MCC: variants seen among roughly 807,000 people sequenced by gnomAD.
The protein encoded by MCC is MCC regulator of Wnt signaling pathway, also known as colorectal mutant cancer protein.
MCC carries 90 observed loss-of-function variants against 116.2 expected under a neutral mutation model. The ratio of observed to expected loss-of-function variants is 0.77; its 90% CI spans 0.65 to 0.92. The LOEUF (loss-of-function observed/expected upper bound fraction) is 0.92, where lower values mean the gene tolerates loss of function less well. MCC is among the 40% of genes least tolerant of loss of function. The pLI is 0.00. For synonymous variants in MCC, 578 were observed against 510.5 expected (o/e 1.13, Z -1.78); for missense variants, 1,516 against 1,312.2 (o/e 1.16, Z -2.40).
At position 113,331,910 on chromosome 5, in the gene MCC, T is replaced by A. The variant is rs147217076; in HGVS notation, c.627+8609A>T. Among the ~76,000 whole-genome samples the A allele has an allele frequency of 1.1e-3, 162 of 151,764 alleles. 6 individuals are homozygous for A. Among genetic ancestry groups the A allele is most frequent in the African/African-American group, 3.7e-3 (152 of 41,088 alleles). Reference sequence around the variant, plus strand: ...ACCTCGGCCTCCCAAAGTGTGGGATTACAGGTGTGAGCCACTGCCTCTGAC... The same window carrying A: ...ACCTCGGCCTCCCAAAGTGTGGGATAACAGGTGTGAGCCACTGCCTCTGAC... On this transcript the variant is annotated intron_variant, in intron 3 of 18. Transcript: ENST00000408903.
intron 3 of MCC, among the ~76,000 whole-genome samples, chr5:113,310,187 T>G (rs1767103362): frequency 6.6e-6 from 1 of 152,262 alleles, no homozygotes; most frequent in Non-Finnish European, 1.5e-5. Flanking sequence ...TTAAGAGGTG[T>G]GGCCTTTGGG....
chr5:113,101,104 C>A (rs968658550), intron 8 of MCC, among the ~76,000 whole-genome samples: 1 of 152,124 alleles, frequency 6.6e-6, no homozygotes, highest in Non-Finnish European at 1.5e-5. Flanking sequence ...ATGTCCTAAA[C>A]AAAATGATAC....
At chr5:113,262,312 T>C (rs1765247559) in intron 3 of MCC, among the ~76,000 whole-genome samples, 1 of 152,074 alleles carries the variant, frequency 6.6e-6, no homozygotes, top group South Asian at 2.1e-4. Flanking sequence ...TGCTATCAGG[T>C]TGAAAGAAAA....
intron 2 of MCC, among the ~76,000 whole-genome samples, chr5:113,364,238 G>GAAAAAAAAGAAAAAAAAAAAACA (rs1768626073): frequency 2.0e-5 from 1 of 49,422 alleles, no homozygotes; most frequent in Non-Finnish European, 3.6e-5. Context: ...CTCAAAAACA[G>GAAAAAAAAGAAAAAAAAAAAACA]AAAAAAAAAA....
At chr5:113,157,418 G>C (rs1431898894) in intron 3 of MCC, among the ~76,000 whole-genome samples, 1 of 152,222 alleles carries the variant, frequency 6.6e-6, no homozygotes. Flanking sequence ...TCTGTGCTTT[G>C]AACAGCACAG....
chr5:113,132,449 C>CATATATAT (rs1237730823), intron 5 of MCC, among the ~76,000 whole-genome samples: 17 of 111,076 alleles, frequency 1.5e-4, no homozygotes, highest in East Asian at 1.4e-3. Context: ...TATATACACA[C>CATATATAT]ACACACACAC....
At chr5:113,395,291 A>C (rs1467440912) in intron 1 of MCC, among the ~76,000 whole-genome samples, 1 of 152,206 alleles carries the variant, frequency 6.6e-6, no homozygotes, top group African/African-American at 2.4e-5. Flanking sequence ...ACAAGTTGAT[A>C]TCATTAGGTT....
chr5:113,077,247 T>C (rs543927094), intron 11 of MCC, among the ~76,000 whole-genome samples: 93 of 152,158 alleles, frequency 6.1e-4, no homozygotes, highest in African/African-American at 2.0e-3. Flanking sequence ...GACAGATCAA[T>C]GAGACAGAAA....
chr5:113,339,711 C>A (rs1767964026), intron 3 of MCC, among the ~76,000 whole-genome samples: 1 of 152,130 alleles, frequency 6.6e-6, no homozygotes, highest in Admixed American at 6.6e-5. Context: ...AACATCCCAC[C>A]AAAAGTGTCA....
chr5:113,060,744 G>A (rs914877402), intron 14 of MCC, among the ~76,000 whole-genome samples: 5 of 152,244 alleles, frequency 3.3e-5, no homozygotes, highest in African/African-American at 7.2e-5. Flanking sequence ...GGTAAGTGAT[G>A]AGGACATTTG....
In MCC at chr5:113,024,561, G is replaced by C. The variant is rs1380935471; in HGVS notation, c.*2741C>G. On this transcript the variant is annotated 3_prime_UTR_variant, in exon 19 of 19. Coordinates refer to ENST00000408903, the MANE Select transcript of MCC (RefSeq NM_001085377.2). ...CAGAGATGGTTACTGACTAAAAGGG[G>C]GTAACCACTGAGGAAACTAGGGAGA... The C allele has an allele frequency of 2.0e-5, 3 of 152,128 alleles. No individual in the cohort carries two copies. Among genetic ancestry groups the C allele is most frequent in the Non-Finnish European group, 4.4e-5 (3 of 68,020 alleles). 9.4% of individuals were successfully genotyped at this position (152,128 alleles called of 1,614,324 possible). A position where few individuals can be genotyped will look rare whatever the true frequency, so the allele number is the denominator to read the frequency against.
chr5:113,029,228 A>G (rs1468315156), intron 17 of MCC, among the ~76,000 whole-genome samples, 172 bp from the exon 18 acceptor site: 1 of 152,026 alleles, frequency 6.6e-6, no homozygotes, highest in African/African-American at 2.4e-5. Flanking sequence ...GAATGAATTC[A>G]TTCTCAAATG....
intron 3 of MCC, among the ~76,000 whole-genome samples, chr5:113,242,031 C>T (rs1254248161): frequency 6.6e-6 from 1 of 152,082 alleles, no homozygotes; most frequent in Non-Finnish European, 1.5e-5. Flanking sequence ...AAATGAACAC[C>T]CTCCTTCTCA....
intron 6 of MCC, among the ~76,000 whole-genome samples, chr5:113,112,122 T>A (rs528109839): frequency 6.6e-6 from 1 of 152,334 alleles, no homozygotes; most frequent in African/African-American, 2.4e-5. Flanking sequence ...TGCTCCAAAG[T>A]ATGGTCCCAG....
At chr5:113,444,717 T>G (rs1390856919) in intron 1 of MCC, among the ~76,000 whole-genome samples, 1 of 152,210 alleles carries the variant, frequency 6.6e-6, no homozygotes, top group Non-Finnish European at 1.5e-5. Flanking sequence ...AGAAAAGGCT[T>G]GTATTGTTCA....
intron 17 of MCC, among the ~76,000 whole-genome samples, chr5:113,038,261 T>C (rs1371317975): frequency 1.3e-5 from 2 of 152,084 alleles, no homozygotes; most frequent in African/African-American, 4.8e-5. Flanking sequence ...GGTGGAGATG[T>C]CCAGTGGGCA....
chr5:113,404,509 C>A (rs1040393939), intron 1 of MCC, among the ~76,000 whole-genome samples: 1 of 152,182 alleles, frequency 6.6e-6, no homozygotes, highest in Non-Finnish European at 1.5e-5. Context: ...GTCACTCTCA[C>A]AGCCTGCTGC....
At position 113,182,805 on chromosome 5, in the gene MCC, C is replaced by A. The variant is rs141013272; in HGVS notation, c.628-31383G>T. On this transcript the variant is annotated intron_variant, in intron 3 of 18. Coordinates refer to ENST00000408903, the MANE Select transcript of MCC (RefSeq NM_001085377.2). Reference sequence around the variant, plus strand: ...GGCACACAGGGGCACTCAATGCATGCGCATCCAATGAGGAACTGACAATCC... The same window carrying A: ...GGCACACAGGGGCACTCAATGCATGAGCATCCAATGAGGAACTGACAATCC... Among the ~76,000 whole-genome samples, 387 of 152,294 alleles carry A rather than the reference C, an allele frequency of 2.5e-3. 12 individuals are homozygous for A. The highest frequency in any genetic ancestry group is 0.022 in the Admixed American group (342 of 15,304).
At chr5:113,463,934 G>A (rs546066028) in intron 1 of MCC, among the ~76,000 whole-genome samples, 1 of 152,294 alleles carries the variant, frequency 6.6e-6, no homozygotes, top group South Asian at 2.1e-4. Context: ...AGATAGAAAG[G>A]AATGAGCCAA....
Sources: gnomAD v4.1 joint callset for allele counts (sites outside exome capture counted in the v4.1 genomes callset) on GRCh38, gnomAD v4.1.1 for gene constraint, MANE v1.5 for transcripts, NCBI Gene and HGNC (gene_info 2026-07-23, HGNC 2026-07-21) for gene names.